The following CENPV variants were observed in gnomAD, a reference collection of about 807,000 sequenced individuals.
The protein encoded by CENPV is nuclear protein p30.
A neutral mutation model predicts 26.4 loss-of-function variants in CENPV; 15 were observed. The ratio of observed to expected loss-of-function variants is 0.57; its 90% CI spans 0.38 to 0.88. The LOEUF is 0.88. Ranked by LOEUF, CENPV falls within the 40% of genes least tolerant of loss-of-function variation. CENPV has a pLI of 0.00. For missense variants in CENPV, 336 were observed against 376.5 expected (o/e 0.89, Z 0.89); for synonymous variants, 172 against 165.5 (o/e 1.04, Z -0.30).
intron 2 of CENPV, chr17:16,349,341 C>CA: frequency 2.0e-6 from 2 of 985,754 alleles, no homozygotes; most frequent in Non-Finnish European, 2.4e-6. Context: ...TACCTAGGGG[C>CA]AAAAAGGACT....
intron 4 of CENPV, among the ~76,000 whole-genome samples, chr17:16,343,346 T>A (rs1469610018): frequency 6.6e-6 from 1 of 152,210 alleles, no homozygotes; most frequent in Non-Finnish European, 1.5e-5. Flanking sequence ...CTTTCCTTTT[T>A]TTTCAGATGG....
chr17:16,344,622 A>T lies in CENPV; in HGVS notation c.669T>A (p.Thr223=), dbSNP rs200564032. The T allele has an allele frequency of 8.4e-5, 133 of 1,589,722 alleles. 1 individual carries two copies. In the East Asian group the frequency reaches 2.5e-3, roughly 30 times the overall value. Residue 223 remains threonine, a synonymous_variant, in exon 4 of 5, where the codon ACT becomes ACA. Transcript: ENST00000299736. The part of the protein sequence containing the change: ...CKRCGVQSFY[T]PRSNPGGFGI... ...CGAAGCCTCCGGGGTTTGATCGTGG[A>T]GTATAGAAGCTCTGAACGCCACATC...
chr17:16,343,082 G>T, intron 4 of CENPV, 141 bp from the exon 5 acceptor site: 1 of 973,734 alleles, frequency 1.0e-6, no homozygotes, highest in Non-Finnish European at 1.5e-6. Flanking sequence ...ACAGCTTATG[G>T]CTTCAGTGAT....
At chr17:16,350,331 T>A (rs1030011192) in intron 1 of CENPV, among the ~76,000 whole-genome samples, 4 of 152,060 alleles carry the variant, frequency 2.6e-5, no homozygotes, top group Non-Finnish European at 4.4e-5. Flanking sequence ...TTTATTTATA[T>A]GTCAAATACT....
intron 4 of CENPV, 99 bp from the exon 5 acceptor site, chr17:16,343,040 C>T (rs1318775211): frequency 1.5e-5 from 20 of 1,362,192 alleles, no homozygotes; most frequent in South Asian, 3.8e-5. Flanking sequence ...GGCATCATCA[C>T]GCTACACATT....
chr17:16,345,221 C>T (rs991012016), intron 3 of CENPV, among the ~76,000 whole-genome samples: 5 of 147,246 alleles, frequency 3.4e-5, no homozygotes, highest in Admixed American at 1.4e-4. Context: ...GAGATCATGC[C>T]ACGGCACTCC....
At chr17:16,349,354 A>G (rs1445802836) in intron 2 of CENPV, 1 of 985,840 alleles carries the variant, frequency 1.0e-6, no homozygotes, top group Non-Finnish European at 1.2e-6. Flanking sequence ...AAAGGACTGG[A>G]TGCTGTTAAA....
chr17:16,352,978 G>A (rs760297901), intron 1 of CENPV, 49 bp downstream of exon 1: 2 of 1,496,346 alleles, frequency 1.3e-6, no homozygotes, highest in Admixed American at 4.5e-5. Flanking sequence ...TCCTGCCGAG[G>A]GGGTCCGCGT....
chr17:16,347,859 T>C (rs941006391), intron 3 of CENPV, among the ~76,000 whole-genome samples: 1 of 152,086 alleles, frequency 6.6e-6, no homozygotes, highest in Non-Finnish European at 1.5e-5. Context: ...CCCAAAATAA[T>C]AAAATTAAAG....
rs1185588201 is a variant in CENPV, at chr17:16,342,722, T to C, written c.*95A>G. The C allele has an allele frequency of 1.4e-6, 2 of 1,480,108 alleles. No homozygotes were observed. The highest frequency in any genetic ancestry group is 2.8e-5 in the African/African-American group (2 of 72,026). The allele number at this position is 1,480,108 out of a possible 1,614,324, so 91.7% of individuals were successfully genotyped here. On this transcript the variant is annotated 3_prime_UTR_variant, in exon 5 of 5. Coordinates refer to ENST00000299736, the MANE Select transcript of CENPV (RefSeq NM_181716.3). ...TAGTCAACGGAACCAGCAGCCCAGGTCAGCCACATTCAGGAGCACCACCGA... is the reference window on the plus strand; with the variant it reads ...TAGTCAACGGAACCAGCAGCCCAGGCCAGCCACATTCAGGAGCACCACCGA...
In CENPV at chr17:16,353,146, C is replaced by G. The variant is rs372877471; in HGVS notation, c.291G>C (p.Ala97=). The change falls in exon 1 of 5, where the codon GCG becomes GCC. Residue 97 remains alanine (A), a synonymous_variant. Transcript: ENST00000299736. ...PPPPPPPPTP[A]TPTSSASNLD... ...GGTTGGACGCCGAGGACGTCGGGGT[C>G]GCGGGAGTCGGCGGCGGCGGCGGCG... 1.1e-5 allele frequency: 17 copies of G among 1,483,372 alleles called. No homozygotes were observed. The highest frequency in any genetic ancestry group is 1.0e-4 in the African/African-American group (7 of 68,524). The allele number at this position is 1,483,372 out of a possible 1,614,324, so 91.9% of individuals were successfully genotyped here.
At chr17:16,345,527 C>G (rs551758288) in intron 3 of CENPV, among the ~76,000 whole-genome samples, 1 of 151,700 alleles carries the variant, frequency 6.6e-6, no homozygotes, top group African/African-American at 2.4e-5. Flanking sequence ...GCTGAGATCG[C>G]ACCATTAAAA....
chr17:16,346,397 T>A (rs1403973972), intron 3 of CENPV, among the ~76,000 whole-genome samples: 1 of 152,136 alleles, frequency 6.6e-6, no homozygotes, highest in Non-Finnish European at 1.5e-5. Context: ...CTCCAACTTT[T>A]GAGAAGAATG....
chr17:16,344,399 G>A (rs2093195819), intron 4 of CENPV, 198 bp downstream of exon 4: 1 of 339,252 alleles, frequency 2.9e-6, no homozygotes, highest in Admixed American at 4.8e-5. Flanking sequence ...ATTCAGATAT[G>A]GGATTCAGAA....
Position 16,346,861 on chromosome 17 carries a change from GTTTT to G in CENPV, c.579+1751_579+1754del, listed in dbSNP as rs965000061. On this transcript the variant is annotated intron_variant, in intron 3 of 4. Transcript: ENST00000299736. Reference sequence around the variant, plus strand: ...TGGTGTTTTTGTTTTGTTTTGTTTTGTTTTTTTGAGACAAGATCTCACTCTGTTA... The same window carrying G: ...TGGTGTTTTTGTTTTGTTTTGTTTTGTTTGAGACAAGATCTCACTCTGTTA... 1.8e-4 allele frequency among the ~76,000 whole-genome samples: 27 copies of G among 146,002 alleles called. No homozygotes were observed. The Middle Eastern group carries it at 0.024, about 131-fold the overall frequency.
chr17:16,348,640 T>G lies in CENPV; in HGVS notation c.555A>C (p.Pro185=). The stretch of plus-strand genomic sequence containing the variant: ...CCTTCAGGAGCTTGAAGCGAGAAGC[T>G]GGAACAATGAAGTGTCTATTCTGCT... ...KKKQNRHFIV[P]ASRFKLLKGA... is the part of the protein sequence containing the mutation. Residue 185 remains proline (P), a synonymous_variant, in exon 3 of 5, where the codon CCA becomes CCC. Coordinates refer to ENST00000299736, the MANE Select transcript of CENPV (RefSeq NM_181716.3). 6.2e-7 allele frequency: 1 copy of G among 1,614,094 alleles called. No homozygotes were observed. The highest frequency in any genetic ancestry group is 8.5e-7 in the Non-Finnish European group (1 of 1,179,942).
intron 1 of CENPV, chr17:16,351,293 T>A (rs1252886074): frequency 3.3e-5 from 5 of 152,190 alleles, no homozygotes; most frequent in Non-Finnish European, 1.5e-5. Context: ...AACATTAAGA[T>A]CTGATAAATG....
chr17:16,353,368 G>C lies in CENPV; in HGVS notation c.69C>G (p.Ala23=). The C allele has an allele frequency of 8.1e-7, 1 of 1,234,704 alleles. No homozygotes were observed. The highest frequency in any genetic ancestry group is 1.0e-6 in the Non-Finnish European group (1 of 994,126). The allele number at this position is 1,234,704 out of a possible 1,614,324, so 76.5% of individuals were successfully genotyped here. Residue 23 remains alanine, a synonymous_variant, in exon 1 of 5, where the codon GCC becomes GCG. Coordinates refer to ENST00000299736, the MANE Select transcript of CENPV (RefSeq NM_181716.3). ...RGQKRSGASA[A]PAASAAAALA... is the part of the protein sequence containing the mutation. The stretch of plus-strand genomic sequence containing the variant: ...AGGCAGCGGCCGCGGAGGCCGCGGG[G>C]GCCGCGGAGGCCCCGGACCGCTTCT...
intron 3 of CENPV, 47 bp downstream of exon 3, chr17:16,348,569 C>G (rs370067633): frequency 3.5e-4 from 566 of 1,610,642 alleles, no homozygotes; most frequent in Non-Finnish European, 4.6e-4. Flanking sequence ...TCCTGTAAAT[C>G]TCACCAATGG....
Sources: allele counts gnomAD v4.1 joint callset (sites outside exome capture counted in the v4.1 genomes callset), GRCh38; gene constraint gnomAD v4.1.1; transcripts MANE v1.5; gene names NCBI Gene and HGNC (gene_info 2026-07-23, HGNC 2026-07-21).